PTCD1: variants seen among roughly 807,000 people sequenced by gnomAD.
The protein encoded by PTCD1 is pentatricopeptide repeat domain 1.
In PTCD1, 50 loss-of-function variants were observed where a neutral mutation model predicts 53.4. The observed-to-expected ratio is 0.94, with a 90% CI of 0.75 to 1.19. PTCD1 has a LOEUF of 1.19. Among genes scored for constraint, PTCD1 ranks in the 50% most tolerant of loss-of-function variants. The probability of loss-of-function intolerance (pLI) is 0.00; values close to 1 mark genes in which losing one functional copy is unlikely to be tolerated. For missense variants in PTCD1, 918 were observed against 904.8 expected (o/e 1.01, Z -0.19); for synonymous variants, 413 against 394.8 (o/e 1.05, Z -0.55).
chr7:99,420,596 A>G (rs1795760169), intron 7 of PTCD1, among the ~76,000 whole-genome samples: 2 of 152,240 alleles, frequency 1.3e-5, no homozygotes, highest in South Asian at 4.1e-4. Flanking sequence ...ACAAACTGAG[A>G]GCTGGTAGGG....
rs57467259 is a variant in PTCD1, at chr7:99,433,664, C to T, written c.454-246G>A. 4.7e-3 allele frequency among the ~76,000 whole-genome samples: 711 copies of T among 152,304 alleles called. 6 individuals carry two copies. Among genetic ancestry groups the T allele is most frequent in the African/African-American group, 0.016 (656 of 41,554 alleles). On this transcript the variant is annotated intron_variant, in intron 2 of 7. Transcript: ENST00000292478. ...CATCTGTTCATTCAAACAATAATTA[C>T]TGAGTGCTTCAATGAGCCAGACAAG...
chr7:99,428,835 G>A (rs532217470), intron 5 of PTCD1, among the ~76,000 whole-genome samples: 159 of 151,968 alleles, frequency 1.0e-3, no homozygotes, highest in Non-Finnish European at 3.2e-4. Context: ...GTGAGTGTGT[G>A]GCAGGCTTTC....
chr7:99,425,431 G>C lies in PTCD1; in HGVS notation c.1101C>G (p.Ala367=), dbSNP rs1345445361. 6.2e-7 allele frequency: 1 copy of C among 1,614,052 alleles called. No individual in the cohort carries two copies. Among genetic ancestry groups the C allele is most frequent in the African/African-American group, 1.3e-5 (1 of 75,068 alleles). The change falls in exon 6 of 8, where the codon GCC becomes GCG. Residue 367 remains alanine, a synonymous_variant. Coordinates refer to ENST00000292478, the MANE Select transcript of PTCD1 (RefSeq NM_015545.4). ...PVSRQRPRRT[A]QAKAGNLMSA... The stretch of plus-strand genomic sequence containing the variant: ...ACATGAGGTTGCCTGCCTTGGCCTG[G>C]GCTGTCCTCCTTGGCCGCTGCCTGC...
chr7:99,427,337 C>T (rs1338890053), intron 5 of PTCD1, among the ~76,000 whole-genome samples: 140 of 150,128 alleles, frequency 9.3e-4, no homozygotes, highest in Non-Finnish European at 1.8e-3. Context: ...GCCAGCCGCC[C>T]CGTCCGGGAG....
chr7:99,434,528 ACT>A (rs1796385245), intron 2 of PTCD1, among the ~76,000 whole-genome samples: 2 of 146,056 alleles, frequency 1.4e-5, no homozygotes, highest in East Asian at 2.0e-4. Context: ...TTTGAGACAG[ACT>A]CTTGTTCTGT....
rs775657229 is a variant in PTCD1, at chr7:99,419,419, G to C, written c.*548C>G. On this transcript the variant is annotated 3_prime_UTR_variant, in exon 8 of 8. Transcript: ENST00000292478. Reference sequence around the variant, plus strand: ...CGCATCATCGAGTGCACACACTGTGGCTGTCGTGGCTGCTCTGGCTGAGGC... The same window carrying C: ...CGCATCATCGAGTGCACACACTGTGCCTGTCGTGGCTGCTCTGGCTGAGGC... The C allele has an allele frequency of 9.3e-6, 15 of 1,612,910 alleles. No homozygotes were observed. The highest frequency in any genetic ancestry group is 1.2e-5 in the Non-Finnish European group (14 of 1,180,016).
rs762942400 is a variant in PTCD1, at chr7:99,423,777, G to T, written c.1918C>A (p.Arg640=). The change falls in exon 7 of 8, where the codon CGG becomes AGG. Residue 640 remains arginine (R), a splice_region_variant and synonymous_variant. Transcript: ENST00000292478. ...GCTTTTGAGCTTGGGGCACACACCC[G>T]GTCAAAGGTGGGAGGGTACTGGGCT... is the stretch of plus-strand genomic sequence containing the variant. ...FAAQYPPTFD[R]YQGKNTYLEK... The T allele has an allele frequency of 1.9e-6, 3 of 1,613,890 alleles. No individual in the cohort carries two copies. The highest frequency in any genetic ancestry group is 1.7e-5 in the Admixed American group (1 of 59,984).
At position 99,423,858 on chromosome 7, in the gene PTCD1, T is replaced by G; in HGVS notation, c.1837A>C (p.Met613Leu). 4 of 1,614,222 alleles carry G rather than the reference T, an allele frequency of 2.5e-6. No homozygotes were observed. Residue 613 changes from methionine (M) to leucine (L), a missense_variant, in exon 7 of 8, where the codon ATG becomes CTG. Transcript: ENST00000292478. ...TTCACCGGGACCCTGTTCTGCTTCA[T>G]GTCCTTCAAGATGCTGATGAGATAG... The part of the protein sequence containing the change: ...YTYLISILKD[M>L]KQNRVPVNEV...
chr7:99,424,078 G>C (rs1795929862), intron 6 of PTCD1, 121 bp from the exon 7 acceptor site: 1 of 1,379,620 alleles, frequency 7.2e-7, no homozygotes, highest in Admixed American at 2.0e-5. Context: ...AGGCAAACTT[G>C]GCAGCAACAA....
Position 99,432,585 on chromosome 7 carries a change from C to T in PTCD1, c.594+693G>A, listed in dbSNP as rs112075222. Among the ~76,000 whole-genome samples the T allele has an allele frequency of 5.3e-3, 809 of 152,284 alleles. 9 individuals carry two copies. The highest frequency in any genetic ancestry group is 0.017 in the African/African-American group (718 of 41,556). ...AGGGAACTCAAGAGACCAGTGCCTGCGCAGCGCAGGTCCTCCGTATGCGCA... is the reference window on the plus strand; with the variant it reads ...AGGGAACTCAAGAGACCAGTGCCTGTGCAGCGCAGGTCCTCCGTATGCGCA... On this transcript the variant is annotated intron_variant, in intron 3 of 7. Transcript: ENST00000292478.
intron 3 of PTCD1, among the ~76,000 whole-genome samples, chr7:99,432,641 G>A (rs1032240364): frequency 4.6e-5 from 7 of 152,214 alleles, no homozygotes; most frequent in African/African-American, 1.7e-4. Flanking sequence ...CTGAGCGTAT[G>A]CTGAGCACCG....
chr7:99,433,489 G>A, intron 2 of PTCD1, 71 bp from the exon 3 acceptor site: 1 of 1,610,930 alleles, frequency 6.2e-7, no homozygotes, highest in Non-Finnish European at 8.5e-7. Flanking sequence ...GAGGGAGGTT[G>A]AAGCTGAGGG....
chr7:99,433,113 T>G (rs1256033595), intron 3 of PTCD1, among the ~76,000 whole-genome samples, 165 bp downstream of exon 3: 1 of 152,052 alleles, frequency 6.6e-6, no homozygotes, highest in African/African-American at 2.4e-5. Flanking sequence ...GGGCTTTCCA[T>G]GTCATCTCGT....
intron 5 of PTCD1, among the ~76,000 whole-genome samples, chr7:99,427,725 T>C (rs1212523698): frequency 2.0e-5 from 3 of 151,880 alleles, no homozygotes; most frequent in Non-Finnish European, 4.4e-5. Context: ...TAGAAAGAAG[T>C]AGACATGGGA....
At chr7:99,427,626 G>A (rs867206875) in intron 5 of PTCD1, among the ~76,000 whole-genome samples, 2,983 of 130,238 alleles carry the variant, frequency 0.023, 28 homozygotes, top group African/African-American at 0.072. Context: ...CATTGAGAAC[G>A]GGCCATGATG....
chr7:99,426,094 C>G (rs1035970309), intron 5 of PTCD1, among the ~76,000 whole-genome samples: 8 of 150,776 alleles, frequency 5.3e-5, no homozygotes, highest in Non-Finnish European at 7.4e-5. Flanking sequence ...AAAAATTGGC[C>G]GGGCCTCTCC....
intron 1 of PTCD1, 29 bp downstream of exon 1, chr7:99,438,663 G>A (rs1328603785): frequency 2.4e-6 from 3 of 1,243,802 alleles, no homozygotes; most frequent in Non-Finnish European, 2.1e-6. Flanking sequence ...GGGTCCCGGG[G>A]CTCCTGCGAG....
At chr7:99,429,011 G>A in intron 5 of PTCD1, 92 bp downstream of exon 5, 2 of 1,429,804 alleles carry the variant, frequency 1.4e-6, no homozygotes, top group South Asian at 2.3e-5. Context: ...AAAATACTCA[G>A]CACAGGGCCA....
Position 99,433,599 on chromosome 7 carries a change from G to A in PTCD1, c.454-181C>T, listed in dbSNP as rs555908979. Among the ~76,000 whole-genome samples the A allele has an allele frequency of 3.3e-4, 51 of 152,248 alleles. 1 individual carries two copies. Among genetic ancestry groups the A allele is most frequent in the Middle Eastern group, 3.4e-3 (1 of 294 alleles). ...ATCCCTCACCTCACACCATTTCCCCGGTGAAGCCTCAGTTCATTCCTTTAT... is the reference window on the plus strand; with the variant it reads ...ATCCCTCACCTCACACCATTTCCCCAGTGAAGCCTCAGTTCATTCCTTTAT... On this transcript the variant is annotated intron_variant, in intron 2 of 7. Transcript: ENST00000292478.
Sources: allele counts gnomAD v4.1 joint callset (sites outside exome capture counted in the v4.1 genomes callset), GRCh38; gene constraint gnomAD v4.1.1; transcripts MANE v1.5; gene names NCBI Gene and HGNC (gene_info 2026-07-23, HGNC 2026-07-21).